The following KIF26B variants were observed in gnomAD, a reference collection of about 807,000 sequenced individuals.
The protein encoded by KIF26B is kinesin-like protein KIF26B.
Under a neutral mutation model 151.2 loss-of-function variants are expected in KIF26B, and 63 were observed. The ratio of observed to expected loss-of-function variants is 0.42; its 90% CI spans 0.34 to 0.51. The LOEUF (loss-of-function observed/expected upper bound fraction) is 0.51, where lower values mean the gene tolerates loss of function less well. Among genes scored for constraint, KIF26B ranks in the 20% least tolerant of loss-of-function variants. The pLI, the probability that KIF26B is intolerant of heterozygous loss-of-function variation, is 0.07. For synonymous variants in KIF26B, 1,357 were observed against 1,262.1 expected, an observed-to-expected ratio of 1.08 and a Z score of -1.59; for missense variants, 2,813 against 2,913.6, an observed-to-expected ratio of 0.97 and a Z score of 0.79.
intron 4 of KIF26B, among the ~76,000 whole-genome samples, chr1:245,521,443 G>A (rs1295787164): frequency 6.6e-6 from 1 of 152,014 alleles, no homozygotes; most frequent in African/African-American, 2.4e-5. Context: ...AATCTGACAG[G>A]CTTGTTTTGG....
chr1:245,413,429 G>A (rs1483538150), intron 3 of KIF26B, among the ~76,000 whole-genome samples: 1 of 152,196 alleles, frequency 6.6e-6, no homozygotes, highest in Non-Finnish European at 1.5e-5. Flanking sequence ...TTGGGAGGCT[G>A]AGGTGGATGG....
At chr1:245,632,550 G>A (rs1051969310) in intron 9 of KIF26B, among the ~76,000 whole-genome samples, 19 of 152,140 alleles carry the variant, frequency 1.2e-4, no homozygotes, top group Non-Finnish European at 2.5e-4. Context: ...TCTGTAGTGC[G>A]GATTAAGTTC....
chr1:245,298,351 C>T (rs750974639), intron 2 of KIF26B, among the ~76,000 whole-genome samples: 2 of 152,164 alleles, frequency 1.3e-5, no homozygotes, highest in Admixed American at 6.5e-5. Flanking sequence ...ATGAAAGATA[C>T]GTGCTATAGC....
intron 4 of KIF26B, among the ~76,000 whole-genome samples, chr1:245,462,846 GTGAA>G (rs57966712): frequency 0.4 from 59,797 of 150,554 alleles, 12,953 homozygotes; most frequent in East Asian, 0.63. Context: ...AGAAATCAGT[GTGAA>G]TGAATGAATG....
intron 2 of KIF26B, among the ~76,000 whole-genome samples, chr1:245,275,874 G>A (rs1030199090): frequency 7.9e-5 from 12 of 151,988 alleles, no homozygotes; most frequent in African/African-American, 2.9e-4. Context: ...TGGTTATTTG[G>A]GAAAGTCTTT....
chr1:245,362,052 C>T (rs906927574), intron 2 of KIF26B, among the ~76,000 whole-genome samples: 1 of 151,782 alleles, frequency 6.6e-6, no homozygotes, highest in African/African-American at 2.4e-5. Flanking sequence ...ATCAAGGACA[C>T]TGACCTTTCG....
intron 4 of KIF26B, among the ~76,000 whole-genome samples, chr1:245,522,250 C>A (rs1179921656): frequency 6.6e-6 from 1 of 152,146 alleles, no homozygotes; most frequent in Non-Finnish European, 1.5e-5. Flanking sequence ...GCTCTGTCAG[C>A]CTTTGTGACC....
intron 5 of KIF26B, among the ~76,000 whole-genome samples, chr1:245,595,359 G>A (rs747819445): frequency 5.3e-5 from 8 of 152,180 alleles, no homozygotes; most frequent in Non-Finnish European, 1.0e-4. Flanking sequence ...TTTACTGAGA[G>A]TTTTTAGCAT....
chr1:245,684,417 G>A (rs1034814997), intron 11 of KIF26B, 22 bp downstream of exon 11: 7 of 1,561,784 alleles, frequency 4.5e-6, no homozygotes, highest in Non-Finnish European at 6.1e-6. Context: ...GCGGGGTGGG[G>A]GGGTGGTGGA....
chr1:245,262,961 G>T (rs1670675227), intron 2 of KIF26B, among the ~76,000 whole-genome samples: 2 of 152,204 alleles, frequency 1.3e-5, no homozygotes, highest in Admixed American at 1.3e-4. Context: ...GTATGTTAAA[G>T]CACTTAGAAC....
chr1:245,310,653 G>C (rs971031033), intron 2 of KIF26B, among the ~76,000 whole-genome samples: 22 of 152,186 alleles, frequency 1.4e-4, no homozygotes, highest in African/African-American at 5.3e-4. Flanking sequence ...TTTTGCACTC[G>C]AAGGCTTTGC....
Position 245,597,209 on chromosome 1 carries a change from G to GT in KIF26B, c.1351-5362dup, listed in dbSNP as rs1187521069. Among the ~76,000 whole-genome samples the GT allele has an allele frequency of 6.6e-6, 1 of 152,202 alleles. No homozygotes were observed. Among genetic ancestry groups the GT allele is most frequent in the Non-Finnish European group, 1.5e-5 (1 of 68,038 alleles). ...GTTATTTTTCCCATTAGTCGATGCAGTTTTTTCATAGCATGAATGGTCTTT... is the reference window on the plus strand; with the variant it reads ...GTTATTTTTCCCATTAGTCGATGCAGTTTTTTTCATAGCATGAATGGTCTTT... On this transcript the variant is annotated intron_variant, in intron 5 of 14. Coordinates refer to ENST00000407071, the MANE Select transcript of KIF26B (RefSeq NM_018012.4). The surrounding 1 kb of genome is among the most constrained non-coding windows in gnomAD (Gnocchi z 4.6).
intron 2 of KIF26B, among the ~76,000 whole-genome samples, chr1:245,186,415 GCAGCTAAAC>G (rs1408655932): frequency 2.6e-5 from 4 of 152,164 alleles, no homozygotes; most frequent in African/African-American, 9.7e-5. Context: ...TTATTTGGGT[GCAGCTAAAC>G]CAGCTAAACA....
At chr1:245,392,173 C>T (rs560370708) in intron 3 of KIF26B, among the ~76,000 whole-genome samples, 26 of 152,082 alleles carry the variant, frequency 1.7e-4, no homozygotes, top group Non-Finnish European at 3.1e-4. Flanking sequence ...TGAGAATCAC[C>T]GGCCTTCGGC....
chr1:245,426,199 C>G (rs1658645839), intron 4 of KIF26B, among the ~76,000 whole-genome samples: 1 of 151,492 alleles, frequency 6.6e-6, no homozygotes, highest in East Asian at 1.9e-4. Flanking sequence ...TCCTCTCTCT[C>G]CCTCCCTCCT....
At chr1:245,242,275 G>A (rs1243060838) in intron 2 of KIF26B, among the ~76,000 whole-genome samples, 7 of 152,092 alleles carry the variant, frequency 4.6e-5, no homozygotes, top group Non-Finnish European at 2.9e-5. Flanking sequence ...CGGCATTAGC[G>A]TTATCAGATC....
intron 2 of KIF26B, among the ~76,000 whole-genome samples, chr1:245,172,411 G>A (rs776749096): frequency 1.2e-4 from 19 of 152,216 alleles, no homozygotes; most frequent in Non-Finnish European, 2.5e-4. Flanking sequence ...GTTAGTGAGA[G>A]AAGACTGAGG....
At chr1:245,220,423 GGGTCC>G (rs541707457) in intron 2 of KIF26B, among the ~76,000 whole-genome samples, 81,989 of 151,824 alleles carry the variant, frequency 0.54, 24,905 homozygotes, top group Non-Finnish European at 0.68. Flanking sequence ...CCAGGGTCCA[GGGTCC>G]AGGGTCCAGG....
In KIF26B at chr1:245,395,949, T is replaced by C. The variant is rs551260255; in HGVS notation, c.1000-23630T>C. On this transcript the variant is annotated intron_variant, in intron 3 of 14. Transcript: ENST00000407071. ...AATCTGTAGAACAGGGGGGGAAATT[T>C]CTTCCTAGCGATGGTGTTGTAAAAA... Among the ~76,000 whole-genome samples, 182 of 152,304 alleles carry C rather than the reference T, an allele frequency of 1.2e-3. 1 individual carries two copies. Among genetic ancestry groups the C allele is most frequent in the African/African-American group, 4.2e-3 (176 of 41,570 alleles).
Sources: allele counts gnomAD v4.1 joint callset (sites outside exome capture counted in the v4.1 genomes callset), GRCh38; gene constraint gnomAD v4.1.1; non-coding constraint Gnocchi (gnomAD v3.1); transcripts MANE v1.5; gene names NCBI Gene and HGNC (gene_info 2026-07-23, HGNC 2026-07-21).